Variants in FRG2B observed in about 807,000 individuals in gnomAD.
The protein encoded by FRG2B is protein FRG2-like-1.
For synonymous variants in FRG2B, 33 were observed against 117.1 expected, an observed-to-expected ratio of 0.28 and a Z score of 4.64; for missense variants, 95 against 310.7, an observed-to-expected ratio of 0.31 and a Z score of 5.22.
In FRG2B at chr10:133,626,260, CT is replaced by C; in HGVS notation, c.221del (p.Lys74SerfsTer27). 1.5e-6 allele frequency: 1 copy of C among 686,490 alleles called. No individual in the cohort carries two copies. Among genetic ancestry groups the C allele is most frequent in the Admixed American group, 2.9e-5 (1 of 34,598 alleles). The allele number at this position is 686,490 out of a possible 1,614,324, so 42.5% of individuals were successfully genotyped here. A position where few individuals can be genotyped will look rare whatever the true frequency, so the allele number is the denominator to read the frequency against. ...NPNKENSEETKLKAGNSTAGS... is the reference protein window; with the variant it reads ...NPNKENSEETXLKAGNSTAGS... ...CAGCAGTGCTGTTCCCGGCCTTGAG[CT>C]TGGTTTCCTCAGAATTCTCCTTGTT... On this transcript the variant is annotated frameshift_variant, in exon 2 of 4. Transcript: ENST00000425520. LOFTEE classifies it high-confidence loss of function.
Sources: allele counts gnomAD v4.1 joint callset, GRCh38; gene constraint gnomAD v4.1.1; transcripts MANE v1.5; gene names NCBI Gene and HGNC (gene_info 2026-07-23, HGNC 2026-07-21).